Variants in TAFA5 observed in about 807,000 individuals in gnomAD.
TAFA5 encodes TAFA chemokine like family member 5, also known as chemokine-like protein TAFA-5.
In TAFA5, 6 loss-of-function variants were observed where a neutral mutation model predicts 15.3. The ratio of observed to expected loss-of-function variants is 0.39; its 90% CI spans 0.21 to 0.77. The LOEUF is 0.77. TAFA5 is among the 30% of genes least tolerant of loss of function. TAFA5 has a pLI of 0.41. For synonymous variants in TAFA5, 103 were observed against 80.7 expected (o/e 1.28, Z -1.48); for missense variants, 161 against 193.1 (o/e 0.83, Z 0.98).
At position 48,710,915 on chromosome 22, in the gene TAFA5, G is replaced by A. The variant is rs988128056; in HGVS notation, c.390+3071G>A. On this transcript the variant is annotated intron_variant, in intron 3 of 3. Coordinates refer to ENST00000402357, the MANE Select transcript of TAFA5 (RefSeq NM_001082967.3). ...CTGGAGTGACTGCTGGTGGCCAGGT[G>A]TACAGAAGTCCAGGGAGGTGGGATT... is the stretch of plus-strand genomic sequence containing the variant. Among the ~76,000 whole-genome samples the A allele has an allele frequency of 3.3e-5, 5 of 152,208 alleles. No individual in the cohort carries two copies. The East Asian group carries it at 9.6e-4, about 29-fold the overall frequency.
intron 1 of TAFA5, among the ~76,000 whole-genome samples, chr22:48,526,294 C>T (rs1322763783): frequency 6.6e-6 from 1 of 152,254 alleles, no homozygotes; most frequent in Non-Finnish European, 1.5e-5. Flanking sequence ...AGGTCCCCTG[C>T]ACCCTGGCCA....
At chr22:48,614,446 C>G (rs1001827452) in intron 1 of TAFA5, among the ~76,000 whole-genome samples, 2 of 152,222 alleles carry the variant, frequency 1.3e-5, no homozygotes, top group Admixed American at 1.3e-4. Flanking sequence ...CCCACATGTC[C>G]TGGTTTGCAC....
intron 2 of TAFA5, among the ~76,000 whole-genome samples, chr22:48,690,392 G>A (rs73435866): frequency 0.015 from 2,330 of 152,122 alleles, 52 homozygotes; most frequent in African/African-American, 0.054. Context: ...TCTTTGGGAC[G>A]TGTATCAGCC....
chr22:48,494,622 A>G (rs1308187780), intron 1 of TAFA5, among the ~76,000 whole-genome samples: 4 of 152,188 alleles, frequency 2.6e-5, no homozygotes, highest in African/African-American at 9.7e-5. Flanking sequence ...TTCTCCACTG[A>G]CAAGGGCCCC....
At chr22:48,638,614 C>T (rs1926550955) in intron 1 of TAFA5, among the ~76,000 whole-genome samples, 1 of 128,570 alleles carries the variant, frequency 7.8e-6, no homozygotes, top group Non-Finnish European at 1.7e-5. Flanking sequence ...CCTCCCCTGA[C>T]ACTAAGCCAC....
At chr22:48,592,884 G>C (rs1235699791) in intron 1 of TAFA5, among the ~76,000 whole-genome samples, 1 of 152,140 alleles carries the variant, frequency 6.6e-6, no homozygotes, top group African/African-American at 2.4e-5. Flanking sequence ...TGGTCCCAGG[G>C]GTCTCTCAGA....
At chr22:48,584,841 C>T (rs932315920) in intron 1 of TAFA5, among the ~76,000 whole-genome samples, 5 of 150,322 alleles carry the variant, frequency 3.3e-5, no homozygotes, top group Non-Finnish European at 7.4e-5. Flanking sequence ...ATACAACACA[C>T]AGCACACAAC....
At chr22:48,684,642 G>A (rs1928297630) in intron 2 of TAFA5, among the ~76,000 whole-genome samples, 1 of 152,150 alleles carries the variant, frequency 6.6e-6, no homozygotes. Flanking sequence ...CCACACTCCT[G>A]CCCGCTTCCC....
At chr22:48,558,332 T>C (rs112101080) in intron 1 of TAFA5, among the ~76,000 whole-genome samples, 99 of 152,340 alleles carry the variant, frequency 6.5e-4, no homozygotes, top group Middle Eastern at 3.4e-3. Flanking sequence ...AAGTCTAGCA[T>C]TTTACACATA....
At chr22:48,571,250 T>C (rs868604592) in intron 1 of TAFA5, among the ~76,000 whole-genome samples, 59 of 151,770 alleles carry the variant, frequency 3.9e-4, no homozygotes, top group Middle Eastern at 3.4e-3. Flanking sequence ...CCTCAGAACA[T>C]TTTTTTGTTG....
chr22:48,679,140 TCC>T (rs1928087376), intron 2 of TAFA5, among the ~76,000 whole-genome samples: 1 of 73,438 alleles, frequency 1.4e-5, no homozygotes. Context: ...CTCTCCCGGC[TCC>T]CTGTCCATCC....
Position 48,749,320 on chromosome 22 carries a change from G to A in TAFA5, c.391-519G>A, listed in dbSNP as rs943474825. On this transcript the variant is annotated intron_variant, in intron 3 of 3. Coordinates refer to ENST00000402357, the MANE Select transcript of TAFA5 (RefSeq NM_001082967.3). ...TGTGGTCATTTGATTGGGCAGCCAC[G>A]GGAATGGCACACAGACCTGTAGAGG... 4.6e-5 allele frequency among the ~76,000 whole-genome samples: 7 copies of A among 152,304 alleles called. No individual in the cohort carries two copies. In the South Asian group the frequency reaches 6.2e-4, roughly 14 times the overall value.
chr22:48,551,199 C>G (rs1922843515), intron 1 of TAFA5, among the ~76,000 whole-genome samples: 1 of 152,118 alleles, frequency 6.6e-6, no homozygotes, highest in South Asian at 2.1e-4. Flanking sequence ...GCCTGGGCTC[C>G]CAGGGCCCCT....
chr22:48,556,328 G>A (rs1923037561), intron 1 of TAFA5, among the ~76,000 whole-genome samples: 1 of 152,218 alleles, frequency 6.6e-6, no homozygotes, highest in Non-Finnish European at 1.5e-5. Context: ...CGGGGACCTA[G>A]TGAGGTTGTG....
At chr22:48,672,862 T>G (rs1375532191) in intron 2 of TAFA5, among the ~76,000 whole-genome samples, 3 of 152,174 alleles carry the variant, frequency 2.0e-5, no homozygotes, top group African/African-American at 7.2e-5. Flanking sequence ...TATTCTCCAT[T>G]GGAAATAGAA....
chr22:48,738,872 T>A (rs1478419184), intron 3 of TAFA5, among the ~76,000 whole-genome samples: 1 of 152,134 alleles, frequency 6.6e-6, no homozygotes, highest in Non-Finnish European at 1.5e-5. Flanking sequence ...CTGCTCAGAA[T>A]TCAGGGCCAA....
chr22:48,649,841 G>A (rs530402016), intron 2 of TAFA5, among the ~76,000 whole-genome samples: 1 of 152,096 alleles, frequency 6.6e-6, no homozygotes, highest in Admixed American at 6.5e-5. Context: ...CATTACTTCC[G>A]CCCGCCTATC....
intron 1 of TAFA5, among the ~76,000 whole-genome samples, chr22:48,634,321 C>G (rs1048599428): frequency 6.6e-6 from 1 of 152,178 alleles, no homozygotes; most frequent in Non-Finnish European, 1.5e-5. Context: ...CATTTATTCA[C>G]TCACTTATTC....
At chr22:48,636,942 C>T (rs1474005942) in intron 1 of TAFA5, among the ~76,000 whole-genome samples, 4 of 152,206 alleles carry the variant, frequency 2.6e-5, no homozygotes, top group African/African-American at 9.6e-5. Context: ...GAGGCCAGGG[C>T]TCTGGACCCT....
Sources: gnomAD v4.1 joint callset for allele counts (sites outside exome capture counted in the v4.1 genomes callset) on GRCh38, gnomAD v4.1.1 for gene constraint, MANE v1.5 for transcripts, NCBI Gene and HGNC (gene_info 2026-07-23, HGNC 2026-07-21) for gene names.